Variants in PREX1 observed in about 807,000 individuals in gnomAD.
The protein encoded by PREX1 is phosphatidylinositol-3,4,5-trisphosphate dependent Rac exchange factor 1, also known as phosphatidylinositol 3,4,5-trisphosphate-dependent Rac exchanger 1 protein.
In PREX1, 41 loss-of-function variants were observed where a neutral mutation model predicts 198.3. That is an observed-to-expected ratio of 0.21 (90% CI 0.16 to 0.27). PREX1 has a LOEUF of 0.27. Among genes scored for constraint, PREX1 ranks in the 10% least tolerant of loss-of-function variants. The pLI is 1.00. For missense variants in PREX1, 1,620 were observed against 2,200.7 expected, an observed-to-expected ratio of 0.74 and a Z score of 5.28; for synonymous variants, 843 against 887.2, an observed-to-expected ratio of 0.95 and a Z score of 0.89.
intron 10 of PREX1, among the ~76,000 whole-genome samples, chr20:48,683,095 C>T (rs1463165985): frequency 6.6e-6 from 1 of 152,186 alleles, no homozygotes; most frequent in African/African-American, 2.4e-5. Context: ...GTCCTGTCCA[C>T]CCCCAGTTCC....
At chr20:48,641,175 A>C (rs1056082127) in intron 29 of PREX1, among the ~76,000 whole-genome samples, 1 of 152,188 alleles carries the variant, frequency 6.6e-6, no homozygotes, top group Non-Finnish European at 1.5e-5. Flanking sequence ...TTTTCTCTCA[A>C]TCATTTCAAG....
chr20:48,631,210 T>C (rs964969280), intron 35 of PREX1, among the ~76,000 whole-genome samples: 1 of 152,238 alleles, frequency 6.6e-6, no homozygotes, highest in African/African-American at 2.4e-5. Flanking sequence ...AAACATTTTA[T>C]GCTTTGTGCA....
At position 48,825,228 on chromosome 20, in the gene PREX1, T is replaced by C. The variant is rs574772947; in HGVS notation, c.219+2414A>G. ...ACTCCTGTGGCTCACAAACAACGTA[T>C]GGCTGGTCAGGTTACACAATCCGTC... On this transcript the variant is annotated intron_variant, in intron 1 of 39. Coordinates refer to ENST00000371941, the MANE Select transcript of PREX1 (RefSeq NM_020820.4). 5.9e-5 allele frequency among the ~76,000 whole-genome samples: 9 copies of C among 152,292 alleles called. No individual in the cohort carries two copies. In the East Asian group the frequency reaches 1.7e-3, roughly 29 times the overall value.
At chr20:48,697,636 G>A (rs1186420641) in intron 7 of PREX1, among the ~76,000 whole-genome samples, 2 of 151,918 alleles carry the variant, frequency 1.3e-5, no homozygotes, top group South Asian at 2.1e-4. Context: ...CACCCTCCTC[G>A]GTCTCCCAAA....
chr20:48,845,000 T>G, the PREX1 span, among the ~76,000 whole-genome samples: 6 of 152,222 alleles, frequency 3.9e-5, no homozygotes, highest in Non-Finnish European at 8.8e-5. Flanking sequence ...GAATCAATTA[T>G]CTGCCACATT....
At position 48,684,345 on chromosome 20, in the gene PREX1, G is replaced by T. The variant is rs538957756; in HGVS notation, c.1335-3010C>A. Among the ~76,000 whole-genome samples, 1 of 152,102 alleles carries T rather than the reference G, an allele frequency of 6.6e-6. No individual in the cohort carries two copies. Among genetic ancestry groups the T allele is most frequent in the Non-Finnish European group, 1.5e-5 (1 of 68,016 alleles). ...GCTCCAAGAGGGTAGGGACTGGGGG[G>T]TACCCAGTGGAATACCCATCCCTGT... is the stretch of plus-strand genomic sequence containing the variant. On this transcript the variant is annotated intron_variant, in intron 10 of 39. Transcript: ENST00000371941. The surrounding 1 kb of genome is among the most constrained non-coding windows in gnomAD (Gnocchi z 4.2).
the PREX1 span, among the ~76,000 whole-genome samples, chr20:48,833,443 CTTTT>C: frequency 3.3e-5 from 4 of 122,976 alleles, no homozygotes; most frequent in Non-Finnish European, 1.8e-5. Flanking sequence ...TCTTTTCTTT[CTTTT>C]TTTTTTTTTT....
At chr20:48,675,763 G>A (rs2089704100) in intron 14 of PREX1, among the ~76,000 whole-genome samples, 1 of 152,186 alleles carries the variant, frequency 6.6e-6, no homozygotes, top group African/African-American at 2.4e-5. Context: ...AGATGGCCGG[G>A]CGTGGTGGCT....
At chr20:48,721,940 G>A (rs1183913669) in intron 5 of PREX1, among the ~76,000 whole-genome samples, 1 of 152,082 alleles carries the variant, frequency 6.6e-6, no homozygotes, top group Non-Finnish European at 1.5e-5. Context: ...AAGGACAGAG[G>A]GGCTGTCTGC....
intron 13 of PREX1, among the ~76,000 whole-genome samples, chr20:48,678,470 A>C (rs79985545): frequency 8.1e-6 from 1 of 122,980 alleles, no homozygotes; most frequent in Non-Finnish European, 1.7e-5. Context: ...ACCCTGTCTC[A>C]AAAAAAAAAA....
Position 48,814,297 on chromosome 20 carries a change from A to G in PREX1, c.219+13345T>C, listed in dbSNP as rs181805431. The stretch of plus-strand genomic sequence containing the variant: ...GCAGACAAGGGCTGTGACCTCATGC[A>G]ACTTACATTCTAATGGGAGAGACAG... On this transcript the variant is annotated intron_variant, in intron 1 of 39. Transcript: ENST00000371941. 4.6e-5 allele frequency among the ~76,000 whole-genome samples: 7 copies of G among 152,386 alleles called. No homozygotes were observed. The East Asian group carries it at 1.3e-3, about 29-fold the overall frequency.
At chr20:48,828,270 CCG>C (rs2090521466), upstream of PREX1, among the ~76,000 whole-genome samples, 1 of 151,724 alleles carries the variant, frequency 6.6e-6, no homozygotes, top group Admixed American at 6.6e-5. Flanking sequence ...GAGTCCGAGG[CCG>C]CGCGCACGCC....
At chr20:48,855,697 A>G in the PREX1 span, among the ~76,000 whole-genome samples, 1 of 152,154 alleles carries the variant, frequency 6.6e-6, no homozygotes, top group African/African-American at 2.4e-5. Flanking sequence ...TCAGGAGTTC[A>G]AGACCAGCCT....
At chr20:48,774,067 C>T (rs1423229895) in intron 1 of PREX1, among the ~76,000 whole-genome samples, 2 of 152,154 alleles carry the variant, frequency 1.3e-5, no homozygotes, top group Non-Finnish European at 1.5e-5. Context: ...TGGCCTGTAC[C>T]ACTGGCAAGG....
intron 15 of PREX1, among the ~76,000 whole-genome samples, chr20:48,664,873 G>A (rs901706579): frequency 2.9e-5 from 4 of 138,760 alleles, no homozygotes; most frequent in Admixed American, 1.5e-4. Flanking sequence ...TTCTAATCCC[G>A]GCTCCAGACG....
chr20:48,637,891 G>A, intron 30 of PREX1, 139 bp from the exon 31 acceptor site: 1 of 683,854 alleles, frequency 1.5e-6, no homozygotes, highest in Non-Finnish European at 2.4e-6. Context: ...CCAAGGCTGT[G>A]CTCAAGGAGG....
intron 5 of PREX1, among the ~76,000 whole-genome samples, chr20:48,717,784 G>C (rs904946390): frequency 3.9e-5 from 6 of 152,230 alleles, no homozygotes; most frequent in South Asian, 2.1e-4. Context: ...AGAGGAAAGG[G>C]GGGTAAAGTG....
At chr20:48,820,093 T>A (rs568144624) in intron 1 of PREX1, among the ~76,000 whole-genome samples, 1 of 152,310 alleles carries the variant, frequency 6.6e-6, no homozygotes, top group East Asian at 1.9e-4. Context: ...AGTTCCATCC[T>A]GGGGAAGGAA....
chr20:48,872,354 G>A, the PREX1 span, among the ~76,000 whole-genome samples: 1 of 152,062 alleles, frequency 6.6e-6, no homozygotes, highest in East Asian at 1.9e-4. Context: ...TATATTTGCA[G>A]TGTTTGTGCA....
Sources: allele counts gnomAD v4.1 joint callset (sites outside exome capture counted in the v4.1 genomes callset), GRCh38; gene constraint gnomAD v4.1.1; non-coding constraint Gnocchi (gnomAD v3.1); transcripts MANE v1.5; gene names NCBI Gene and HGNC (gene_info 2026-07-23, HGNC 2026-07-21).